LNX1: variants seen among roughly 807,000 people sequenced by gnomAD.
The protein encoded by LNX1 is ligand of numb-protein X 1.
In LNX1, 54 loss-of-function variants were observed where a neutral mutation model predicts 68.4. The observed-to-expected ratio is 0.79, with a 90% CI of 0.63 to 0.99. The LOEUF (loss-of-function observed/expected upper bound fraction) is 0.99. LNX1 is among the 50% of genes least tolerant of loss of function. The probability of loss-of-function intolerance (pLI) is 0.00; values close to 1 mark genes in which losing one functional copy is unlikely to be tolerated. For synonymous variants in LNX1, 336 were observed against 350.0 expected (o/e 0.96, Z 0.45); for missense variants, 906 against 926.4 (o/e 0.98, Z 0.29).
At chr4:53,513,555 C>T (rs1265094554) in intron 2 of LNX1, among the ~76,000 whole-genome samples, 1 of 152,214 alleles carries the variant, frequency 6.6e-6, no homozygotes, top group East Asian at 1.9e-4. Context: ...CAGCTCTTCC[C>T]ACATGTTCCT....
At chr4:53,522,042 A>G (rs1478957256) in intron 2 of LNX1, among the ~76,000 whole-genome samples, 1 of 151,992 alleles carries the variant, frequency 6.6e-6, no homozygotes, top group African/African-American at 2.4e-5. Flanking sequence ...CAATCCTTCC[A>G]TCTCGATCTC....
Position 53,459,535 on chromosome 4 carries a change from T to A in LNX1, c.*1372A>T. The stretch of plus-strand genomic sequence containing the variant: ...TTTTCTGGATAATGTTTAAGAAATT[T>A]ACCTTAAATCTTGTTCTGTTTGTTA... On this transcript the variant is annotated 3_prime_UTR_variant, in exon 11 of 11. Coordinates refer to ENST00000263925, the MANE Select transcript of LNX1 (RefSeq NM_001126328.3). The A allele has an allele frequency of 1.5e-5, 23 of 1,572,174 alleles. No individual in the cohort carries two copies. Among genetic ancestry groups the A allele is most frequent in the Non-Finnish European group, 2.0e-5 (23 of 1,146,716 alleles).
chr4:53,547,256 T>C (rs1397894129), intron 2 of LNX1, among the ~76,000 whole-genome samples: 2 of 152,242 alleles, frequency 1.3e-5, no homozygotes, highest in African/African-American at 4.8e-5. Context: ...TGTCTTAGAA[T>C]TGATGAAATA....
chr4:53,475,919 T>A (rs1723532464), intron 9 of LNX1, among the ~76,000 whole-genome samples: 1 of 152,156 alleles, frequency 6.6e-6, no homozygotes, highest in Admixed American at 6.5e-5. Flanking sequence ...ATCTAAGAAA[T>A]GTCTCCAAAC....
At chr4:53,602,361 C>T (rs1201888105) in intron 2 of LNX1, among the ~76,000 whole-genome samples, 2 of 152,168 alleles carry the variant, frequency 1.3e-5, no homozygotes, top group Admixed American at 6.5e-5. Context: ...CGATCTGACA[C>T]CAGTGAAGGA....
At position 53,573,554 on chromosome 4, in the gene LNX1, T is replaced by C. The variant is rs569782502; in HGVS notation, c.380+69A>G. The C allele has an allele frequency of 4.8e-6, 5 of 1,043,808 alleles. No homozygotes were observed. In the South Asian group the frequency reaches 7.6e-5, roughly 16 times the overall value. 64.7% of individuals were successfully genotyped at this position (1,043,808 alleles called of 1,614,324 possible). Reference sequence around the variant, plus strand: ...CATTGGTTGGAAGCCCTCAGGAGACTGGGGGGTGGAGGGGTCCAGCTGTCC... The same window carrying C: ...CATTGGTTGGAAGCCCTCAGGAGACCGGGGGGTGGAGGGGTCCAGCTGTCC... On this transcript the variant is annotated intron_variant, in intron 2 of 10. Coordinates refer to ENST00000263925, the MANE Select transcript of LNX1 (RefSeq NM_001126328.3).
At chr4:53,502,486 T>C (rs753220555) in intron 4 of LNX1, among the ~76,000 whole-genome samples, 6 of 152,252 alleles carry the variant, frequency 3.9e-5, no homozygotes, top group Non-Finnish European at 1.5e-5. Context: ...TTAACGATCA[T>C]CTGAGGCTTC....
At chr4:53,515,214 T>A (rs921139461) in intron 2 of LNX1, among the ~76,000 whole-genome samples, 12 of 152,292 alleles carry the variant, frequency 7.9e-5, no homozygotes, top group African/African-American at 2.9e-4. Flanking sequence ...GAGTCCCACA[T>A]CACTTAAGGC....
chr4:53,572,494 T>C (rs1424319288), intron 2 of LNX1, among the ~76,000 whole-genome samples: 1 of 152,100 alleles, frequency 6.6e-6, no homozygotes, highest in African/African-American at 2.4e-5. Flanking sequence ...TCCATGCATG[T>C]CCCAAAAGAC....
rs181422075 is a variant in LNX1, at chr4:53,508,465, C to A, written c.381-238G>T. 300 of 505,844 alleles carry A rather than the reference C, an allele frequency of 5.9e-4. No individual in the cohort carries two copies. In the Middle Eastern group the frequency reaches 7.0e-3, roughly 12 times the overall value. The allele number at this position is 505,844 out of a possible 1,614,324, so 31.3% of individuals were successfully genotyped here. ...AGACGCCCACTGCATTCTCTTAAAGCAATCTCTACATTGGCTGCTGGAATG... is the reference window on the plus strand; with the variant it reads ...AGACGCCCACTGCATTCTCTTAAAGAAATCTCTACATTGGCTGCTGGAATG... On this transcript the variant is annotated intron_variant, in intron 2 of 10. Coordinates refer to ENST00000263925, the MANE Select transcript of LNX1 (RefSeq NM_001126328.3).
At chr4:53,530,223 C>G (rs1435222) in intron 2 of LNX1, among the ~76,000 whole-genome samples, 2 of 151,898 alleles carry the variant, frequency 1.3e-5, no homozygotes, top group Non-Finnish European at 2.9e-5. Context: ...TTTTAAGTAA[C>G]GTTTTAAAAT....
chr4:53,564,702 C>T lies in LNX1; in HGVS notation c.380+8921G>A, dbSNP rs552118533. 2.2e-4 allele frequency among the ~76,000 whole-genome samples: 33 copies of T among 152,092 alleles called. No homozygotes were observed. The South Asian group carries it at 4.0e-3, about 18-fold the overall frequency. On this transcript the variant is annotated intron_variant, in intron 2 of 10. Coordinates refer to ENST00000263925, the MANE Select transcript of LNX1 (RefSeq NM_001126328.3). Reference sequence around the variant, plus strand: ...CTCCCAGCCTGAGCGACACAGAAGACGGGTGATTTCTGCATTTCCATCTGA... The same window carrying T: ...CTCCCAGCCTGAGCGACACAGAAGATGGGTGATTTCTGCATTTCCATCTGA...
chr4:53,478,663 A>C lies in LNX1; in HGVS notation c.1565T>G (p.Val522Gly). 6.2e-7 allele frequency: 1 copy of C among 1,614,148 alleles called. No individual in the cohort carries two copies. The highest frequency in any genetic ancestry group is 8.5e-7 in the Non-Finnish European group (1 of 1,180,022). Residue 522 changes from valine to glycine, a missense_variant, in exon 8 of 11, where the codon GTC (valine) becomes GGC (glycine). Val to Gly is a moderately radical substitution (Grantham distance 109). Transcript: ENST00000263925. ...TTCTCTATGTGATGCTCCCCCTGCG[A>C]CGGTCATGCCGAGAGATTCACCGGG... ...KDPGESLGMT[V>G]AGGASHREWD...
chr4:53,562,746 A>G (rs1162050156), intron 2 of LNX1, among the ~76,000 whole-genome samples: 12 of 152,354 alleles, frequency 7.9e-5, no homozygotes, highest in African/African-American at 2.4e-4. Context: ...TGTATTGTGC[A>G]GTAGAAAATT....
In LNX1 at chr4:53,491,802, TTTG is replaced by T. The variant is rs1724698707; in HGVS notation, c.1350+4218_1350+4220del. ...GCTGAGGATACGATACTTTTTTTTG[TTTG>T]TTTGTTTTTTGAGAAAAGTTTCACT... On this transcript the variant is annotated intron_variant, in intron 6 of 10. Coordinates refer to ENST00000263925, the MANE Select transcript of LNX1 (RefSeq NM_001126328.3). Among the ~76,000 whole-genome samples, 4 of 24,720 alleles carry T rather than the reference TTTG, an allele frequency of 1.6e-4. 1 individual carries two copies. Among genetic ancestry groups the T allele is most frequent in the African/African-American group, 2.3e-4 (4 of 17,412 alleles). The allele number at this position is 24,720 out of a possible 152,430, so 16.2% of individuals were successfully genotyped here.
chr4:53,630,837 T>C (rs760134066), intron 1 of LNX1, among the ~76,000 whole-genome samples: 23 of 152,222 alleles, frequency 1.5e-4, no homozygotes, highest in Non-Finnish European at 3.1e-4. Context: ...AATTCAGTGT[T>C]TGCAGTGATT....
rs538855717 is a variant in LNX1, at chr4:53,563,141, G to A, written c.380+10482C>T. ...GAATGGCATGAATCCCGGAGGCAGA[G>A]CTTGCAGTGAGCTGAGATCGTGCCA... On this transcript the variant is annotated intron_variant, in intron 2 of 10. Coordinates refer to ENST00000263925, the MANE Select transcript of LNX1 (RefSeq NM_001126328.3). 1.9e-4 allele frequency among the ~76,000 whole-genome samples: 29 copies of A among 152,284 alleles called. No homozygotes were observed. The South Asian group carries it at 5.4e-3, about 28-fold the overall frequency.
intron 2 of LNX1, among the ~76,000 whole-genome samples, chr4:53,508,553 T>G (rs1377536209): frequency 6.6e-6 from 1 of 152,248 alleles, no homozygotes; most frequent in East Asian, 1.9e-4. Flanking sequence ...AATGTTCAAC[T>G]ATTTGGTAAT....
chr4:53,510,932 A>G (rs1414418498), intron 2 of LNX1, among the ~76,000 whole-genome samples: 2 of 152,226 alleles, frequency 1.3e-5, no homozygotes, highest in Non-Finnish European at 2.9e-5. Context: ...TGGGGGTTAC[A>G]GTATTTTAAA....
Sources: gnomAD v4.1 joint callset for allele counts (sites outside exome capture counted in the v4.1 genomes callset) on GRCh38, gnomAD v4.1.1 for gene constraint, MANE v1.5 for transcripts, NCBI Gene and HGNC (gene_info 2026-07-23, HGNC 2026-07-21) for gene names.